The following YWHAG variants were observed in gnomAD, a reference collection of about 807,000 sequenced individuals.
YWHAG encodes 14-3-3 protein gamma.
Under a neutral mutation model 23.3 loss-of-function variants are expected in YWHAG, and 1 was observed. That is an observed-to-expected ratio of 0.04 (90% CI 0.02 to 0.20). The LOEUF (loss-of-function observed/expected upper bound fraction) is 0.20. Ranked by LOEUF, YWHAG falls within the 10% of genes least tolerant of loss-of-function variation. The pLI is 1.00. For synonymous variants in YWHAG, 160 were observed against 144.0 expected, an observed-to-expected ratio of 1.11 and a Z score of -0.80; for missense variants, 151 against 338.6, an observed-to-expected ratio of 0.45 and a Z score of 4.35.
rs190579723 is a variant in YWHAG, at chr7:76,340,614, C to T, written c.88-10381G>A. On this transcript the variant is annotated intron_variant, in intron 1 of 1. Transcript: ENST00000307630. The stretch of plus-strand genomic sequence containing the variant: ...TAATTTAAAGAAAATTAAGGCTCAG[C>T]GCTGAAGAACAGAACTCAAATACAC... Among the ~76,000 whole-genome samples, 453 of 152,242 alleles carry T rather than the reference C, an allele frequency of 3.0e-3. 3 individuals are homozygous for T. Among genetic ancestry groups the T allele is most frequent in the African/African-American group, 0.01 (424 of 41,562 alleles).
At position 76,349,936 on chromosome 7, in the gene YWHAG, G is replaced by A. The variant is rs144142181; in HGVS notation, c.87+8786C>T. Among the ~76,000 whole-genome samples, 682 of 152,302 alleles carry A rather than the reference G, an allele frequency of 4.5e-3. 5 individuals carry two copies. Among genetic ancestry groups the A allele is most frequent in the African/African-American group, 0.016 (647 of 41,568 alleles). On this transcript the variant is annotated intron_variant, in intron 1 of 1. Transcript: ENST00000307630. The stretch of plus-strand genomic sequence containing the variant: ...TTGAATCCAGGAGGGGGAGGTTGCA[G>A]TGAGTTGAGATTGCACCACTGTACC...
At chr7:76,349,333 G>A (rs1162710124) in intron 1 of YWHAG, among the ~76,000 whole-genome samples, 4 of 114,522 alleles carry the variant, frequency 3.5e-5, no homozygotes, top group African/African-American at 6.3e-5. Flanking sequence ...AGCAGACTCT[G>A]TCTCAAAAAA....
chr7:76,336,648 G>T (rs1803620368), intron 1 of YWHAG, among the ~76,000 whole-genome samples: 1 of 151,770 alleles, frequency 6.6e-6, no homozygotes, highest in Admixed American at 6.6e-5. Context: ...TAGAGACAGG[G>T]TTTCACCACG....
rs1262149828 is a variant in YWHAG at position 76,328,345 on chromosome 7, AAC to A, written c.*1230_*1231del. The stretch of plus-strand genomic sequence containing the variant: ...AGGAGTTCAGTGTTTGTTATCTGGT[AAC>A]AGTTTTTTTATCTTCCTACAATTAC... On this transcript the variant is annotated 3_prime_UTR_variant, in exon 2 of 2. Coordinates refer to ENST00000307630, the MANE Select transcript of YWHAG (RefSeq NM_012479.4). 1.3e-5 allele frequency: 2 copies of A among 152,250 alleles called. No individual in the cohort carries two copies. The highest frequency in any genetic ancestry group is 2.9e-5 in the Non-Finnish European group (2 of 68,044). 9.4% of individuals were successfully genotyped at this position (152,250 alleles called of 1,614,324 possible).
chr7:76,347,965 G>A (rs554042553), intron 1 of YWHAG, among the ~76,000 whole-genome samples: 10 of 152,248 alleles, frequency 6.6e-5, no homozygotes, highest in African/African-American at 1.9e-4. Context: ...TCGTGGGATC[G>A]AATGTTTTCT....
intron 1 of YWHAG, among the ~76,000 whole-genome samples, chr7:76,342,251 A>G (rs73357724): frequency 6.6e-6 from 1 of 152,206 alleles, no homozygotes; most frequent in African/African-American, 2.4e-5. Flanking sequence ...TGCCATGGGT[A>G]TCTGTCATTA....
At chr7:76,333,167 G>T (rs1009675365) in intron 1 of YWHAG, among the ~76,000 whole-genome samples, 2 of 151,918 alleles carry the variant, frequency 1.3e-5, no homozygotes, top group South Asian at 4.1e-4. Context: ...ACAAGGTCTT[G>T]CCATGTTGCC....
At chr7:76,339,479 ATAT>A (rs1369049585) in intron 1 of YWHAG, among the ~76,000 whole-genome samples, 2 of 152,212 alleles carry the variant, frequency 1.3e-5, no homozygotes, top group Non-Finnish European at 2.9e-5. Flanking sequence ...CAAAAAATAC[ATAT>A]AAAAATAATA....
chr7:76,357,930 T>C lies in YWHAG; in HGVS notation c.87+792A>G, dbSNP rs1803984995. Among the ~76,000 whole-genome samples the C allele has an allele frequency of 2.0e-5, 3 of 152,344 alleles. No homozygotes were observed. In the South Asian group the frequency reaches 6.2e-4, roughly 32 times the overall value. On this transcript the variant is annotated intron_variant, in intron 1 of 1. Transcript: ENST00000307630. The stretch of plus-strand genomic sequence containing the variant: ...TGTCACACGAATCGAACCAGTCAGC[T>C]ACATTCACCACCTTTTAATTTTACA...
chr7:76,340,088 C>G (rs1311328547), intron 1 of YWHAG, among the ~76,000 whole-genome samples: 1 of 152,098 alleles, frequency 6.6e-6, no homozygotes, highest in East Asian at 1.9e-4. Flanking sequence ...GACTCCATCT[C>G]AGAAAACAAA....
intron 1 of YWHAG, among the ~76,000 whole-genome samples, chr7:76,347,598 AAAC>A (rs147112205): frequency 0.23 from 25,728 of 110,416 alleles, 2,736 homozygotes; most frequent in East Asian, 0.52. Context: ...GCAAACAAAC[AAAC>A]AAAAAAAACA....
intron 1 of YWHAG, among the ~76,000 whole-genome samples, chr7:76,339,717 A>C (rs1318076672): frequency 1.3e-5 from 2 of 152,176 alleles, no homozygotes; most frequent in Non-Finnish European, 2.9e-5. Flanking sequence ...CAACACGAAG[A>C]CCGTAAGGAT....
At chr7:76,341,943 ACT>A (rs1384213765) in intron 1 of YWHAG, among the ~76,000 whole-genome samples, 1 of 152,188 alleles carries the variant, frequency 6.6e-6, no homozygotes, top group Non-Finnish European at 1.5e-5. Flanking sequence ...TTTATATAGC[ACT>A]CTCACACACA....
At chr7:76,357,443 G>A (rs1350929254) in intron 1 of YWHAG, among the ~76,000 whole-genome samples, 1 of 152,132 alleles carries the variant, frequency 6.6e-6, no homozygotes, top group Non-Finnish European at 1.5e-5. Context: ...GTGGGGGCCC[G>A]AAATCATTAG....
In YWHAG at chr7:76,358,688, C is replaced by A. The variant is rs763479831; in HGVS notation, c.87+34G>T. The stretch of plus-strand genomic sequence containing the variant: ...GCCAAGGACCGCGTCTTCGGAGGGG[C>A]AGGGAGCGGCGGGGGAGGGGAGGAG... On this transcript the variant is annotated intron_variant, in intron 1 of 1. Coordinates refer to ENST00000307630, the MANE Select transcript of YWHAG (RefSeq NM_012479.4). 63 of 1,538,414 alleles carry A rather than the reference C, an allele frequency of 4.1e-5. No individual in the cohort carries two copies. The Admixed American group carries it at 1.1e-3, about 27-fold the overall frequency.
chr7:76,352,321 C>T (rs1803887986), intron 1 of YWHAG, among the ~76,000 whole-genome samples: 1 of 152,202 alleles, frequency 6.6e-6, no homozygotes. Flanking sequence ...CTCCCTTAGC[C>T]ATTCCTCACT....
intron 1 of YWHAG, among the ~76,000 whole-genome samples, chr7:76,353,744 T>A (rs1029672107): frequency 3.9e-5 from 6 of 152,104 alleles, no homozygotes; most frequent in Non-Finnish European, 8.8e-5. Flanking sequence ...ATTGGTAGCC[T>A]TTGTAGAAAG....
At chr7:76,351,345 C>T (rs553522418) in intron 1 of YWHAG, among the ~76,000 whole-genome samples, 6 of 152,074 alleles carry the variant, frequency 3.9e-5, no homozygotes, top group African/African-American at 1.2e-4. Context: ...TTCTGTTGTT[C>T]GTATTCTCCT....
intron 1 of YWHAG, among the ~76,000 whole-genome samples, chr7:76,334,398 G>A (rs1371132144): frequency 3.3e-5 from 5 of 152,104 alleles, no homozygotes; most frequent in Non-Finnish European, 5.9e-5. Flanking sequence ...GGGAAGGGAG[G>A]TAACATTTTT....
Sources: gnomAD v4.1 joint callset for allele counts (sites outside exome capture counted in the v4.1 genomes callset) on GRCh38, gnomAD v4.1.1 for gene constraint, MANE v1.5 for transcripts, NCBI Gene and HGNC (gene_info 2026-07-23, HGNC 2026-07-21) for gene names.